The following CHSY3 variants were observed in gnomAD, a reference collection of about 807,000 sequenced individuals.
The protein encoded by CHSY3 is N-acetylgalactosaminyl-proteoglycan 3-beta-glucuronosyltransferase 3.
A neutral mutation model predicts 67.2 loss-of-function variants in CHSY3; 35 were observed. That is an observed-to-expected ratio of 0.52 (90% CI 0.40 to 0.69). The LOEUF (loss-of-function observed/expected upper bound fraction) is 0.69, where lower values mean the gene tolerates loss of function less well. Among genes scored for constraint, CHSY3 ranks in the 30% least tolerant of loss-of-function variants. The pLI is 0.00. For missense variants in CHSY3, 1,069 were observed against 1,138.5 expected, an observed-to-expected ratio of 0.94 and a Z score of 0.88; for synonymous variants, 474 against 434.7, an observed-to-expected ratio of 1.09 and a Z score of -1.12.
At chr5:129,976,752 A>G (rs7717948) in intron 2 of CHSY3, among the ~76,000 whole-genome samples, 3,872 of 152,076 alleles carry the variant, frequency 0.025, 169 homozygotes, top group African/African-American at 0.088. Flanking sequence ...AAACTCTAGT[A>G]ATCCAAAAAA....
chr5:129,959,022 C>T (rs1398748669), intron 2 of CHSY3, among the ~76,000 whole-genome samples: 1 of 152,108 alleles, frequency 6.6e-6, no homozygotes, highest in Non-Finnish European at 1.5e-5. Context: ...CTCTACTATT[C>T]ATTCAAATTT....
intron 2 of CHSY3, among the ~76,000 whole-genome samples, chr5:130,055,884 C>G (rs531944703): frequency 6.6e-6 from 1 of 152,192 alleles, no homozygotes; most frequent in East Asian, 1.9e-4. Context: ...GTCATTGTGG[C>G]TACTGGTCAC....
At chr5:129,954,829 G>T (rs1329194157) in intron 2 of CHSY3, among the ~76,000 whole-genome samples, 1 of 152,020 alleles carries the variant, frequency 6.6e-6, no homozygotes, top group Non-Finnish European at 1.5e-5. Flanking sequence ...CATTGATTTT[G>T]TATCATGAGA....
intron 2 of CHSY3, among the ~76,000 whole-genome samples, chr5:130,160,879 T>TTTTATTTATTTATTTA (rs1249583766): frequency 1.4e-5 from 2 of 146,760 alleles, no homozygotes; most frequent in African/African-American, 5.3e-5. Context: ...TACTGATCAT[T>TTTTATTTATTTATTTA]TTTATTTATT....
intron 2 of CHSY3, among the ~76,000 whole-genome samples, chr5:130,179,227 G>C (rs978089629): frequency 6.6e-6 from 1 of 152,136 alleles, no homozygotes; most frequent in Non-Finnish European, 1.5e-5. Context: ...ATTCCGGGTT[G>C]ATTTTATCTG....
intron 2 of CHSY3, among the ~76,000 whole-genome samples, chr5:130,010,541 G>A (rs72795740): frequency 0.58 from 88,159 of 151,940 alleles, 25,673 homozygotes; most frequent in East Asian, 0.61. Context: ...AAGAGCTTAA[G>A]TTAACAGCTA....
intron 2 of CHSY3, among the ~76,000 whole-genome samples, chr5:130,176,483 C>T (rs1420885908): frequency 6.6e-6 from 1 of 152,098 alleles, no homozygotes; most frequent in Non-Finnish European, 1.5e-5. Flanking sequence ...CCCAGCAATC[C>T]CATTACTGGG....
chr5:129,984,499 T>A (rs1763115723), intron 2 of CHSY3, among the ~76,000 whole-genome samples: 1 of 152,126 alleles, frequency 6.6e-6, no homozygotes, highest in African/African-American at 2.4e-5. Flanking sequence ...CATTCATGTG[T>A]CTTTATGGTA....
At chr5:130,118,302 G>T (rs1767885410) in intron 2 of CHSY3, among the ~76,000 whole-genome samples, 1 of 151,902 alleles carries the variant, frequency 6.6e-6, no homozygotes, top group Non-Finnish European at 1.5e-5. Context: ...TATAAGTCAG[G>T]GCATTTATAA....
chr5:130,143,149 G>A (rs748926610), intron 2 of CHSY3, among the ~76,000 whole-genome samples: 14 of 152,096 alleles, frequency 9.2e-5, no homozygotes, highest in African/African-American at 1.4e-4. Flanking sequence ...TAAAAGCCTA[G>A]TGATTGCCTT....
intron 2 of CHSY3, among the ~76,000 whole-genome samples, chr5:129,979,194 C>T (rs1211914313): frequency 9.7e-5 from 10 of 103,420 alleles, no homozygotes; most frequent in Admixed American, 1.2e-4. Flanking sequence ...AGCGAGACTC[C>T]GTCTCAAAAA....
intron 2 of CHSY3, among the ~76,000 whole-genome samples, chr5:130,155,307 T>C (rs1769347110): frequency 1.3e-5 from 2 of 152,180 alleles, no homozygotes; most frequent in South Asian, 4.1e-4. Flanking sequence ...GGCCCTTTGA[T>C]TTCAGTTGAA....
intron 2 of CHSY3, among the ~76,000 whole-genome samples, chr5:130,087,167 A>G (rs1766669495): frequency 6.6e-6 from 1 of 151,692 alleles, no homozygotes; most frequent in Non-Finnish European, 1.5e-5. Flanking sequence ...AAATTCAACA[A>G]CCCTTCATGC....
intron 2 of CHSY3, among the ~76,000 whole-genome samples, chr5:130,173,149 C>T (rs1022469148): frequency 2.6e-5 from 4 of 151,916 alleles, no homozygotes; most frequent in African/African-American, 9.7e-5. Context: ...AGAAAAAAGG[C>T]AGCAACAAAA....
chr5:130,117,470 T>C (rs1205497205), intron 2 of CHSY3, among the ~76,000 whole-genome samples: 1 of 152,192 alleles, frequency 6.6e-6, no homozygotes, highest in East Asian at 1.9e-4. Context: ...GTCAATGGCT[T>C]TCTCTCTGAG....
chr5:130,149,300 A>G (rs1440815548), intron 2 of CHSY3, among the ~76,000 whole-genome samples: 1 of 152,202 alleles, frequency 6.6e-6, no homozygotes, highest in African/African-American at 2.4e-5. Flanking sequence ...AAGAAATTTA[A>G]TTGGCTCATG....
At chr5:130,123,204 A>G (rs1033677003) in intron 2 of CHSY3, among the ~76,000 whole-genome samples, 1 of 152,214 alleles carries the variant, frequency 6.6e-6, no homozygotes, top group Non-Finnish European at 1.5e-5. Flanking sequence ...ATTTGGAAAC[A>G]TTTCTATTGA....
At chr5:129,989,255 AC>A (rs1763289315) in intron 2 of CHSY3, among the ~76,000 whole-genome samples, 1 of 95,368 alleles carries the variant, frequency 1.0e-5, no homozygotes, top group South Asian at 4.4e-4. Flanking sequence ...AGGGCAACAA[AC>A]TTGTTCTTTT....
intron 2 of CHSY3, among the ~76,000 whole-genome samples, chr5:129,930,785 A>G (rs1447500961): frequency 6.6e-6 from 1 of 152,178 alleles, no homozygotes; most frequent in Non-Finnish European, 1.5e-5. Flanking sequence ...ACAGCCACAG[A>G]GGGACCACGA....
Sources: gnomAD v4.1 joint callset for allele counts (sites outside exome capture counted in the v4.1 genomes callset) on GRCh38, gnomAD v4.1.1 for gene constraint, MANE v1.5 for transcripts, NCBI Gene and HGNC (gene_info 2026-07-23, HGNC 2026-07-21) for gene names.